GPX6: variants seen among roughly 807,000 people sequenced by gnomAD.
GPX6 encodes glutathione peroxidase 6, also known as glutathione peroxidase 6 (olfactory).
In GPX6, 21 loss-of-function variants were observed where a neutral mutation model predicts 20.0. That is an observed-to-expected ratio of 1.05 (90% confidence interval 0.74 to 1.51). The LOEUF is 1.51. Among genes scored for constraint, GPX6 ranks in the 40% most tolerant of loss-of-function variants. GPX6 has a pLI of 0.00. For synonymous variants in GPX6, 75 were observed against 98.0 expected (o/e 0.77, Z 1.38); for missense variants, 233 against 254.7 (o/e 0.91, Z 0.58).
At chr6:28,505,827 A>C in intron 3 of GPX6, 25 bp from the exon 4 acceptor site, 1 of 1,559,678 alleles carries the variant, frequency 6.4e-7, no homozygotes, top group Non-Finnish European at 8.8e-7. Context: ...AGTTGTTCCC[A>C]GCAAGATACA....
At chr6:28,509,262 G>A (rs1315258561) in intron 2 of GPX6, among the ~76,000 whole-genome samples, 1 of 151,492 alleles carries the variant, frequency 6.6e-6, no homozygotes, top group Non-Finnish European at 1.5e-5. Flanking sequence ...GCTCATGCCT[G>A]TAATCCCAGC....
chr6:28,513,384 G>A (rs988937117), intron 1 of GPX6, among the ~76,000 whole-genome samples: 1 of 152,160 alleles, frequency 6.6e-6, no homozygotes. Flanking sequence ...CTTAAGGTTG[G>A]AGCTCCACAA....
At chr6:28,513,171 C>T (rs539212831) in intron 1 of GPX6, among the ~76,000 whole-genome samples, 1 of 152,304 alleles carries the variant, frequency 6.6e-6, no homozygotes, top group South Asian at 2.1e-4. Context: ...AAACCTTGCA[C>T]TTATTCTCCA....
rs752391712 is a variant in GPX6 at position 28,515,776 on chromosome 6, A to G, written c.-33T>C. The G allele has an allele frequency of 6.4e-7, 1 of 1,565,976 alleles. No individual in the cohort carries two copies. The highest frequency in any genetic ancestry group is 8.8e-7 in the Non-Finnish European group (1 of 1,136,918). The stretch of plus-strand genomic sequence containing the variant: ...AGTTTTAGACGACTCTGAGGTCCCC[A>G]GGATTTCAGCCCCTTTTGAGCCCCT... On this transcript the variant is annotated 5_prime_UTR_variant, in exon 1 of 5. Coordinates refer to ENST00000361902, the MANE Select transcript of GPX6 (RefSeq NM_182701.1).
chr6:28,508,644 A>T (rs1447202718), intron 2 of GPX6, among the ~76,000 whole-genome samples: 3 of 138,036 alleles, frequency 2.2e-5, no homozygotes, highest in South Asian at 4.4e-4. Flanking sequence ...AGTCTCTATT[A>T]AAAAAAAAAA....
Position 28,504,201 on chromosome 6 carries a change from G to C in GPX6, c.*91C>G. On this transcript the variant is annotated 3_prime_UTR_variant, in exon 5 of 5. Coordinates refer to ENST00000361902, the MANE Select transcript of GPX6 (RefSeq NM_182701.1). Reference sequence around the variant, plus strand: ...ATCAGGAGGCTGGGTAGGCACGAGTGTGGAGCAAAGAAGGAGGAAGATGGA... The same window carrying C: ...ATCAGGAGGCTGGGTAGGCACGAGTCTGGAGCAAAGAAGGAGGAAGATGGA... The C allele has an allele frequency of 7.7e-7, 1 of 1,303,954 alleles. No homozygotes were observed. The allele number at this position is 1,303,954 out of a possible 1,614,324, so 80.8% of individuals were successfully genotyped here.
intron 1 of GPX6, among the ~76,000 whole-genome samples, chr6:28,511,880 G>C (rs760187648): frequency 2.8e-4 from 42 of 152,366 alleles, no homozygotes; most frequent in East Asian, 7.7e-4. Context: ...CGTGGCACTT[G>C]CGGGCCAGCG....
intron 2 of GPX6, among the ~76,000 whole-genome samples, chr6:28,510,522 G>C (rs1762852949): frequency 6.6e-6 from 1 of 152,208 alleles, no homozygotes; most frequent in African/African-American, 2.4e-5. Flanking sequence ...TCAACTGCAA[G>C]TGTGCTCCTG....
At chr6:28,511,641 G>A (rs1026633027) in intron 1 of GPX6, among the ~76,000 whole-genome samples, 1 of 152,274 alleles carries the variant, frequency 6.6e-6, no homozygotes, top group South Asian at 2.1e-4. Context: ...GACGTGGAGA[G>A]CAATGCACCA....
At position 28,504,212 on chromosome 6, in the gene GPX6, A is replaced by G. The variant is rs888195098; in HGVS notation, c.*80T>C. ...GGGTAGGCACGAGTGTGGAGCAAAG[A>G]AGGAGGAAGATGGATGCTTTGTTAG... is the stretch of plus-strand genomic sequence containing the variant. On this transcript the variant is annotated 3_prime_UTR_variant, in exon 5 of 5. Coordinates refer to ENST00000361902, the MANE Select transcript of GPX6 (RefSeq NM_182701.1). The G allele has an allele frequency of 1.5e-5, 21 of 1,412,802 alleles. No individual in the cohort carries two copies. In the South Asian group the frequency reaches 2.4e-4, roughly 16 times the overall value. 87.5% of individuals were successfully genotyped at this position (1,412,802 alleles called of 1,614,324 possible).
At chr6:28,506,509 A>G in intron 2 of GPX6, 80 bp from the exon 3 acceptor site, 1 of 797,274 alleles carries the variant, frequency 1.3e-6, no homozygotes, top group Non-Finnish European at 2.3e-6. Context: ...GAATGTATCC[A>G]TTTATCACAT....
intron 2 of GPX6, among the ~76,000 whole-genome samples, chr6:28,508,806 CA>C (rs2041070105): frequency 6.6e-6 from 1 of 151,976 alleles, no homozygotes; most frequent in Non-Finnish European, 1.5e-5. Flanking sequence ...GACCCTGTCT[CA>C]AAAATAATAG....
intron 2 of GPX6, 73 bp from the exon 3 acceptor site, chr6:28,506,502 T>G: frequency 1.2e-6 from 1 of 826,220 alleles, no homozygotes; most frequent in Non-Finnish European, 2.2e-6. Flanking sequence ...GATCACTGAA[T>G]GTATCCATTT....
In GPX6 at chr6:28,515,673, TTTAG is replaced by T; in HGVS notation, c.67_70del (p.Leu23SerfsTer13). 1 of 1,613,892 alleles carries T rather than the reference TTTAG, an allele frequency of 6.2e-7. No homozygotes were observed. Among genetic ancestry groups the T allele is most frequent in the South Asian group, 1.1e-5 (1 of 91,056 alleles). The stretch of plus-strand genomic sequence containing the variant: ...CATGCTCACCTTCCTATTTTGAGGC[TTTAG>T]GGTCTGCTGAGCAAAGCCAACCAGG... On this transcript the variant is annotated frameshift_variant, in exon 1 of 5. Transcript: ENST00000361902. LOFTEE classifies it high-confidence loss of function.
At chr6:28,514,423 C>T (rs114053137) in intron 1 of GPX6, among the ~76,000 whole-genome samples, 2,824 of 152,262 alleles carry the variant, frequency 0.019, 39 homozygotes, top group Middle Eastern at 0.061. Context: ...TCGAGAATTC[C>T]ACACCCAACC....
chr6:28,509,747 G>T (rs1389416090), intron 2 of GPX6, among the ~76,000 whole-genome samples: 1 of 152,022 alleles, frequency 6.6e-6, no homozygotes, highest in Non-Finnish European at 1.5e-5. Context: ...CTCCAATAAG[G>T]GCACAAAGAA....
chr6:28,504,540 T>A, intron 4 of GPX6, 42 bp from the exon 5 acceptor site: 1 of 1,547,112 alleles, frequency 6.5e-7, no homozygotes, highest in Non-Finnish European at 8.9e-7. Context: ...CATTTATTTC[T>A]ACTTTATTTC....
At chr6:28,512,667 T>C (rs1248005511) in intron 1 of GPX6, among the ~76,000 whole-genome samples, 1 of 152,190 alleles carries the variant, frequency 6.6e-6, no homozygotes, top group African/African-American at 2.4e-5. Flanking sequence ...GTGGGAGCTT[T>C]GTTCTTTCGC....
At chr6:28,512,203 G>A (rs1467696163) in intron 1 of GPX6, among the ~76,000 whole-genome samples, 1 of 152,254 alleles carries the variant, frequency 6.6e-6, no homozygotes, top group Non-Finnish European at 1.5e-5. Context: ...AGGCAGCTCG[G>A]CCTGCGGCCG....
Sources: allele counts gnomAD v4.1 joint callset (sites outside exome capture counted in the v4.1 genomes callset), GRCh38; gene constraint gnomAD v4.1.1; transcripts MANE v1.5; gene names NCBI Gene and HGNC (gene_info 2026-07-23, HGNC 2026-07-21).